Variants in RPS6KA1 observed in about 807,000 individuals in gnomAD.
RPS6KA1 encodes the protein ribosomal protein S6 kinase A1.
RPS6KA1 carries 48 observed loss-of-function variants against 91.3 expected under a neutral mutation model. The observed-to-expected ratio is 0.53, with a 90% confidence interval of 0.42 to 0.67. The LOEUF is 0.67. RPS6KA1 is among the 30% of genes least tolerant of loss of function. The pLI is 0.00. For missense variants in RPS6KA1, 719 were observed against 960.5 expected, an observed-to-expected ratio of 0.75 and a Z score of 3.32; for synonymous variants, 359 against 384.7, an observed-to-expected ratio of 0.93 and a Z score of 0.78.
At position 26,529,783 on chromosome 1, in the gene RPS6KA1, G is replaced by T. The variant is rs2075853786; in HGVS notation, c.-138G>T. The T allele has an allele frequency of 2.1e-6, 1 of 476,766 alleles. No individual in the cohort carries two copies. The highest frequency in any genetic ancestry group is 3.0e-6 in the Non-Finnish European group (1 of 328,184). The allele number at this position is 476,766 out of a possible 1,614,324, so 29.5% of individuals were successfully genotyped here. ...GCCGAAGTGCTAGTGCCGCGGCGGC[G>T]GCGGCGGACGGCCCAGCCGGAGCGC... On this transcript the variant is annotated 5_prime_UTR_variant, in exon 1 of 22. Coordinates refer to ENST00000374168, the MANE Select transcript of RPS6KA1 (RefSeq NM_002953.4). This position sits in a 1 kb window ranked among gnomAD's most constrained non-coding sequence, Gnocchi z 4.2.
rs763447206 is a variant in RPS6KA1, at chr1:26,572,205, A to G, written c.1859A>G (p.Asp620Gly). 6 of 1,614,048 alleles carry G rather than the reference A, an allele frequency of 3.7e-6. No homozygotes were observed. In the East Asian group the frequency reaches 6.7e-5, roughly 18 times the overall value. The change falls in exon 20 of 22, where the codon GAC becomes GGC. Residue 620 changes from aspartate (D) to glycine (G), a missense_variant. By Grantham distance (94) the Asp-to-Gly change is moderately conservative (BLOSUM62 -1). This residue lies in a region of RPS6KA1 where 249 missense variants were observed against 323.1 expected (regional missense o/e 0.77). Coordinates refer to ENST00000374168, the MANE Select transcript of RPS6KA1 (RefSeq NM_002953.4). Reference protein sequence around the residue: ...GYTPFANGPSDTPEEILTRIG... With the variant: ...GYTPFANGPSGTPEEILTRIG... ...ACTCCATTTGCCAACGGTCCCAGTG[A>G]CACACCAGAGGAAATCCTAACCCGG...
At chr1:26,564,340 G>C (rs867582048) in intron 17 of RPS6KA1, among the ~76,000 whole-genome samples, 4 of 152,046 alleles carry the variant, frequency 2.6e-5, no homozygotes, top group South Asian at 2.1e-4. Context: ...CTCACTGCAA[G>C]CTCCGCCTCC....
chr1:26,551,610 C>T lies in RPS6KA1; in HGVS notation c.389-34C>T, dbSNP rs770799253. 16 of 1,607,534 alleles carry T rather than the reference C, an allele frequency of 1.0e-5. No homozygotes were observed. The African/African-American group carries it at 2.1e-4, about 21-fold the overall frequency. On this transcript the variant is annotated intron_variant, in intron 5 of 21. Transcript: ENST00000374168. This position sits in a 1 kb window ranked among gnomAD's most constrained non-coding sequence, Gnocchi z 4.5. ...CGGAGAAGCAGATCATAAGGCCGCG[C>T]CGACTCTACCATTGCCTTTCTCCCT...
At chr1:26,532,127 G>T (rs376916997) in intron 1 of RPS6KA1, among the ~76,000 whole-genome samples, 2 of 152,096 alleles carry the variant, frequency 1.3e-5, no homozygotes, top group African/African-American at 2.4e-5. Context: ...AAAATGGGCC[G>T]CTGGGAGGCA....
In RPS6KA1 at chr1:26,558,286, G is replaced by A. The variant is rs2076123502; in HGVS notation, c.1085-521G>A. ...ATTATCTAGTTAAAGGGAACAGTGT[G>A]TGCAAGGGCTCAGAGACCCCTCTAA... On this transcript the variant is annotated intron_variant, in intron 13 of 21. Transcript: ENST00000374168. This position sits in a 1 kb window ranked among gnomAD's most constrained non-coding sequence, Gnocchi z 4.0. Among the ~76,000 whole-genome samples the A allele has an allele frequency of 6.6e-6, 1 of 152,180 alleles. No homozygotes were observed. Among genetic ancestry groups the A allele is most frequent in the Non-Finnish European group, 1.5e-5 (1 of 68,032 alleles).
At position 26,554,517 on chromosome 1, in the gene RPS6KA1, A is replaced by G; in HGVS notation, c.614-79A>G. On this transcript the variant is annotated intron_variant, in intron 8 of 21. Transcript: ENST00000374168. The surrounding 1 kb of genome is among the most constrained non-coding windows in gnomAD (Gnocchi z 4.6). ...GGGTGATGCCTTCTGGCCTCTGGGC[A>G]CGGGGGTTGGGTGTGCAAAGGGTGG... 2.0e-6 allele frequency: 3 copies of G among 1,532,450 alleles called. No individual in the cohort carries two copies. The highest frequency in any genetic ancestry group is 1.8e-6 in the Non-Finnish European group (2 of 1,132,228). 94.9% of individuals were successfully genotyped at this position (1,532,450 alleles called of 1,614,324 possible).
In RPS6KA1 at chr1:26,546,875, C is replaced by A. The variant is rs756864139; in HGVS notation, c.117C>A (p.Gly39=). The change falls in exon 3 of 22, where the codon GGC becomes GGA. Residue 39 remains glycine, a synonymous_variant. Coordinates refer to ENST00000374168, the MANE Select transcript of RPS6KA1 (RefSeq NM_002953.4). ...CTCTGTCCCTCCATCAGGATGAGGGCGTCCTCAAGGAGATCTCCATCACGC... is the reference window on the plus strand; with the variant it reads ...CTCTGTCCCTCCATCAGGATGAGGGAGTCCTCAAGGAGATCTCCATCACGC... ...EAGLQPSKDE[G]VLKEISITHH... is the part of the protein sequence containing the mutation. 2 of 1,613,756 alleles carry A rather than the reference C, an allele frequency of 1.2e-6. No individual in the cohort carries two copies. The highest frequency in any genetic ancestry group is 2.2e-5 in the South Asian group (2 of 91,056).
chr1:26,573,180 C>G (rs2296399), intron 20 of RPS6KA1, 44 bp from the exon 21 acceptor site: 214,727 of 1,601,768 alleles, frequency 0.13, 17,593 homozygotes, highest in South Asian at 0.34. Context: ...GGGGCCTGCT[C>G]CCCTGCAGCC....
chr1:26,538,339 G>T (rs1345334649), intron 2 of RPS6KA1, among the ~76,000 whole-genome samples: 2 of 152,210 alleles, frequency 1.3e-5, no homozygotes, highest in African/African-American at 4.8e-5. Context: ...GGTTCTGGGG[G>T]TTGCAGAGGA....
In RPS6KA1 at chr1:26,530,759, C is replaced by T. The variant is rs575179301; in HGVS notation, c.63+776C>T. The T allele has an allele frequency of 2.3e-5, 30 of 1,285,976 alleles. No homozygotes were observed. The East Asian group carries it at 1.5e-3, about 64-fold the overall frequency. 79.7% of individuals were successfully genotyped at this position (1,285,976 alleles called of 1,614,324 possible). On this transcript the variant is annotated intron_variant, in intron 1 of 21. Transcript: ENST00000374168. ...TTCTCTCTCAGAAGCAGCTCCTGAC[C>T]TCCCTTGAGGGCTCTGTGGCTCCAG...
chr1:26,553,886 C>A, intron 7 of RPS6KA1: 2 of 303,706 alleles, frequency 6.6e-6, no homozygotes, highest in Non-Finnish European at 6.1e-6. Context: ...TTAGGCAGCC[C>A]TGTATTCAAA....
At chr1:26,541,573 G>A (rs551270430) in intron 2 of RPS6KA1, among the ~76,000 whole-genome samples, 1 of 152,178 alleles carries the variant, frequency 6.6e-6, no homozygotes, top group East Asian at 1.9e-4. Context: ...AAAAGGCTGT[G>A]TGCGTGCAGC....
rs181947626 is a variant in RPS6KA1 at position 26,568,471 on chromosome 1, G to A, written c.1591-2978G>A. On this transcript the variant is annotated intron_variant, in intron 17 of 21. Transcript: ENST00000374168. ...GGAAAAAAGATCAACAACTTGAGCC[G>A]GGCGTGGTGGCTCACGCCTGTAATC... Among the ~76,000 whole-genome samples the A allele has an allele frequency of 3.7e-3, 569 of 152,222 alleles. 4 individuals carry two copies. Among genetic ancestry groups the A allele is most frequent in the African/African-American group, 0.013 (544 of 41,554 alleles).
Position 26,555,174 on chromosome 1 carries a change from G to C in RPS6KA1, c.780G>C (p.Leu260=). The change falls in exon 10 of 22, where the codon CTG becomes CTC. Residue 260 remains leucine, a synonymous_variant. Transcript: ENST00000374168. The surrounding 1 kb of genome is among the most constrained non-coding windows in gnomAD (Gnocchi z 4.3). ...AGTTTGAGATGCTGACGGGCTCCCT[G>C]CCCTTCCAGGGGAAGGACCGGAAGG... is the stretch of plus-strand genomic sequence containing the variant. ...VLMFEMLTGS[L]PFQGKDRKET... 6.2e-7 allele frequency: 1 copy of C among 1,614,112 alleles called. No individual in the cohort carries two copies. Among genetic ancestry groups the C allele is most frequent in the East Asian group, 2.2e-5 (1 of 44,868 alleles).
chr1:26,541,961 A>T (rs1225469962), intron 2 of RPS6KA1, among the ~76,000 whole-genome samples: 2 of 152,088 alleles, frequency 1.3e-5, no homozygotes, highest in East Asian at 1.9e-4. Flanking sequence ...TATGCGGGGG[A>T]TGGGGCAGGG....
At chr1:26,562,420 T>C (rs901058623) in intron 17 of RPS6KA1, among the ~76,000 whole-genome samples, 1 of 151,938 alleles carries the variant, frequency 6.6e-6, no homozygotes, top group Non-Finnish European at 1.5e-5. Flanking sequence ...AGTGGCAGGG[T>C]CACCGTGGGG....
At position 26,573,378 on chromosome 1, in the gene RPS6KA1, G is replaced by A; in HGVS notation, c.2085+17G>A. ...CTTGTGAAGGTATGGCCACCCTTGG[G>A]CTGCTGGGCATCTGGGGGGTCAGCC... On this transcript the variant is annotated intron_variant, in intron 21 of 21. Coordinates refer to ENST00000374168, the MANE Select transcript of RPS6KA1 (RefSeq NM_002953.4). 1 of 1,613,962 alleles carries A rather than the reference G, an allele frequency of 6.2e-7. No individual in the cohort carries two copies. The highest frequency in any genetic ancestry group is 8.5e-7 in the Non-Finnish European group (1 of 1,179,930).
At position 26,574,829 on chromosome 1, in the gene RPS6KA1, CG is replaced by C; in HGVS notation, c.*630del. 1 of 226,014 alleles carries C rather than the reference CG, an allele frequency of 4.4e-6. No individual in the cohort carries two copies. Among genetic ancestry groups the C allele is most frequent in the Non-Finnish European group, 9.1e-6 (1 of 110,286 alleles). The allele number at this position is 226,014 out of a possible 1,614,324, so 14.0% of individuals were successfully genotyped here. ...CTTGGCTCTGCCAGTGGATCCCCTG[CG>C]GTCAGGCTGGGCAGCCCCAGAGAGA... On this transcript the variant is annotated 3_prime_UTR_variant, in exon 22 of 22. Coordinates refer to ENST00000374168, the MANE Select transcript of RPS6KA1 (RefSeq NM_002953.4). This position sits in a 1 kb window ranked among gnomAD's most constrained non-coding sequence, Gnocchi z 4.3.
intron 14 of RPS6KA1, among the ~76,000 whole-genome samples, 166 bp from the exon 15 acceptor site, chr1:26,560,560 C>A (rs969539120): frequency 6.6e-6 from 1 of 152,166 alleles, no homozygotes; most frequent in African/African-American, 2.4e-5. Context: ...AAACTGAGGC[C>A]CAGAGAGGGG....
Sources: gnomAD v4.1 joint callset for allele counts (sites outside exome capture counted in the v4.1 genomes callset) on GRCh38, gnomAD v4.1.1 for gene constraint, gnomAD v4.1.1 regional missense constraint, Gnocchi (gnomAD v3.1) non-coding constraint, MANE v1.5 for transcripts, NCBI Gene and HGNC (gene_info 2026-07-23, HGNC 2026-07-21) for gene names.